The following COL22A1 variants were observed in gnomAD, a reference collection of about 807,000 sequenced individuals.
COL22A1 encodes collagen type XXII alpha 1 chain.
Under a neutral mutation model 248.9 loss-of-function variants are expected in COL22A1, and 221 were observed. The ratio of observed to expected loss-of-function variants is 0.89; its 90% CI spans 0.80 to 0.99. COL22A1 has a LOEUF of 0.99. COL22A1 is among the 50% of genes least tolerant of loss of function. The pLI is 0.00. For synonymous variants in COL22A1, 891 were observed against 793.4 expected (o/e 1.12, Z -2.07); for missense variants, 2,240 against 2,179.0 (o/e 1.03, Z -0.56).
chr8:138,769,080 C>T (rs1392801023), intron 16 of COL22A1, among the ~76,000 whole-genome samples: 1 of 152,164 alleles, frequency 6.6e-6, no homozygotes, highest in East Asian at 1.9e-4. Context: ...ATCTCTTCCT[C>T]TCTCCTGACA....
At chr8:138,904,985 C>T (rs1480579227) in intron 1 of COL22A1, among the ~76,000 whole-genome samples, 4 of 152,180 alleles carry the variant, frequency 2.6e-5, no homozygotes, top group Non-Finnish European at 4.4e-5. Flanking sequence ...CTCTAAGCCT[C>T]GGTTGCCTCA....
intron 47 of COL22A1, among the ~76,000 whole-genome samples, chr8:138,642,882 A>C (rs1394413538): frequency 6.6e-6 from 1 of 152,134 alleles, no homozygotes; most frequent in Non-Finnish European, 1.5e-5. Flanking sequence ...TACAAAAATT[A>C]GCTGGATGTA....
intron 54 of COL22A1, 106 bp downstream of exon 54, chr8:138,616,808 T>G: frequency 7.6e-7 from 1 of 1,318,994 alleles, no homozygotes; most frequent in Non-Finnish European, 1.1e-6. Context: ...CCACGTCCTC[T>G]CTCGGGTAAG....
At chr8:138,913,434 G>T (rs1815598327) in intron 1 of COL22A1, among the ~76,000 whole-genome samples, 185 bp downstream of exon 1, 1 of 152,044 alleles carries the variant, frequency 6.6e-6, no homozygotes, top group Non-Finnish European at 1.5e-5. Context: ...TCCAACTATA[G>T]TCACTCCCTA....
In COL22A1 at chr8:138,778,425, A is replaced by G. The variant is rs1814671911; in HGVS notation, c.1705-19T>C. ...GGGGCCCCTGCAGAAGAGCATTTAC[A>G]GAGTAAAGTTTCAGGGATGGAAAAG... On this transcript the variant is annotated intron_variant, in intron 14 of 64. Transcript: ENST00000303045. 5.1e-6 allele frequency: 8 copies of G among 1,572,484 alleles called. No homozygotes were observed. The highest frequency in any genetic ancestry group is 6.9e-6 in the Non-Finnish European group (8 of 1,164,184).
At position 138,755,781 on chromosome 8, in the gene COL22A1, T is replaced by A. The variant is rs368988574; in HGVS notation, c.1947+4A>T. ...ATCCATGATTCCAACCACTGCTGAC[T>A]CACCACTGAGCCTGGTACACCAGGT... On this transcript the variant is annotated splice_donor_region_variant and intron_variant, in intron 19 of 64. Coordinates refer to ENST00000303045, the MANE Select transcript of COL22A1 (RefSeq NM_152888.3). 6.2e-7 allele frequency: 1 copy of A among 1,614,062 alleles called. No homozygotes were observed. The highest frequency in any genetic ancestry group is 1.1e-5 in the South Asian group (1 of 91,078).
rs545593760 is a variant in COL22A1 at position 138,693,114 on chromosome 8, TC to T, written c.2754+531del. Among the ~76,000 whole-genome samples the T allele has an allele frequency of 8.8e-4, 134 of 152,150 alleles. No homozygotes were observed. The Middle Eastern group carries it at 0.01, about 12-fold the overall frequency. ...ACCATGAGACAGAGCCCAAATCAGC[TC>T]CAGGAACAAGTGCCAGCCCCACGGG... On this transcript the variant is annotated intron_variant, in intron 35 of 64. Coordinates refer to ENST00000303045, the MANE Select transcript of COL22A1 (RefSeq NM_152888.3).
rs770511120 is a variant in COL22A1 at position 138,598,681 on chromosome 8, G to A, written c.4365+38C>T. On this transcript the variant is annotated intron_variant, in intron 61 of 64. Coordinates refer to ENST00000303045, the MANE Select transcript of COL22A1 (RefSeq NM_152888.3). ...CTTCCCTGGCTCCCCCTTAGGCCCC[G>A]AGGAGCCCCGAGTCCAAAGCCATAT... The A allele has an allele frequency of 1.4e-5, 22 of 1,583,108 alleles. No homozygotes were observed. In the East Asian group the frequency reaches 1.6e-4, roughly 11 times the overall value.
At chr8:138,889,659 T>C (rs552961258) in intron 1 of COL22A1, among the ~76,000 whole-genome samples, 1 of 152,252 alleles carries the variant, frequency 6.6e-6, no homozygotes, top group East Asian at 1.9e-4. Context: ...CACGTATACA[T>C]ATGTAACTAA....
At chr8:138,731,800 C>G (rs1485989785) in intron 23 of COL22A1, among the ~76,000 whole-genome samples, 1 of 152,194 alleles carries the variant, frequency 6.6e-6, no homozygotes, top group East Asian at 1.9e-4. Flanking sequence ...ATCATCTCAG[C>G]TTTCCTGGAT....
chr8:138,634,714 C>T (rs1821000317), intron 49 of COL22A1, among the ~76,000 whole-genome samples: 1 of 152,154 alleles, frequency 6.6e-6, no homozygotes, highest in South Asian at 2.1e-4. Flanking sequence ...GAAATACTAG[C>T]TTCCTACCCA....
chr8:138,726,498 C>CAAAAAAAAAAAAAAAAAAAA (rs371982028), intron 23 of COL22A1, among the ~76,000 whole-genome samples: 6 of 95,600 alleles, frequency 6.3e-5, no homozygotes, highest in African/African-American at 1.6e-4. Flanking sequence ...CCTGTATCTA[C>CAAAAAAAAAAAAAAAAAAAA]AAAAAAAAAA....
Position 138,632,369 on chromosome 8 carries a change from A to T in COL22A1, c.3610-1621T>A, listed in dbSNP as rs551880816. On this transcript the variant is annotated intron_variant, in intron 49 of 64. Coordinates refer to ENST00000303045, the MANE Select transcript of COL22A1 (RefSeq NM_152888.3). ...TTTACATGGGTTGTTGAGAAAATGG[A>T]ATTCATGACACATAAGGAGTTAGCA... Among the ~76,000 whole-genome samples, 3 of 152,330 alleles carry T rather than the reference A, an allele frequency of 2.0e-5. No homozygotes were observed. The East Asian group carries it at 5.8e-4, about 29-fold the overall frequency.
At chr8:138,772,492 G>GT (rs1478560777) in intron 16 of COL22A1, among the ~76,000 whole-genome samples, 1 of 152,032 alleles carries the variant, frequency 6.6e-6, no homozygotes, top group African/African-American at 2.4e-5. Context: ...TGAGCAAAGC[G>GT]TATTTAAAAA....
At chr8:138,594,279 A>C in intron 62 of COL22A1, 80 bp from the exon 63 acceptor site, 1 of 1,307,544 alleles carries the variant, frequency 7.6e-7, no homozygotes, top group Non-Finnish European at 1.0e-6. Flanking sequence ...CTGACAACTC[A>C]GAACCAGGGG....
At chr8:138,852,715 G>A (rs546324487) in intron 3 of COL22A1, among the ~76,000 whole-genome samples, 246 of 152,276 alleles carry the variant, frequency 1.6e-3, no homozygotes, top group Non-Finnish European at 2.9e-3. Context: ...AGGAGTGGCC[G>A]GCAAAGGAGA....
Position 138,616,062 on chromosome 8 carries a change from CA to C in COL22A1, c.3871-9del, listed in dbSNP as rs1217407177. 1.2e-6 allele frequency: 2 copies of C among 1,611,138 alleles called. No individual in the cohort carries two copies. The highest frequency in any genetic ancestry group is 1.3e-5 in the African/African-American group (1 of 74,864). ...CATGGCACCAGACTCTCCCTAGGAACAAAAAAGCCTGCTATTAGGGAAGGAG... is the reference window on the plus strand; with the variant it reads ...CATGGCACCAGACTCTCCCTAGGAACAAAAAGCCTGCTATTAGGGAAGGAG... On this transcript the variant is annotated splice_polypyrimidine_tract_variant and intron_variant, in intron 54 of 64. Transcript: ENST00000303045.
At chr8:138,727,410 T>C (rs1445169910) in intron 23 of COL22A1, among the ~76,000 whole-genome samples, 1 of 152,146 alleles carries the variant, frequency 6.6e-6, no homozygotes, top group East Asian at 1.9e-4. Context: ...GGCAGGCCCT[T>C]CTTGTTCCCC....
chr8:138,800,321 G>A (rs1257372813), intron 11 of COL22A1, among the ~76,000 whole-genome samples: 3 of 152,174 alleles, frequency 2.0e-5, no homozygotes, highest in Non-Finnish European at 4.4e-5. Context: ...GAGGAAGCGA[G>A]CCCTATCCCT....
Sources: allele counts gnomAD v4.1 joint callset (sites outside exome capture counted in the v4.1 genomes callset), GRCh38; gene constraint gnomAD v4.1.1; transcripts MANE v1.5; gene names NCBI Gene and HGNC (gene_info 2026-07-23, HGNC 2026-07-21).